ARMH3: variants seen among roughly 807,000 people sequenced by gnomAD.
ARMH3 encodes armadillo like helical domain containing 3.
ARMH3 carries 60 observed loss-of-function variants against 99.1 expected under a neutral mutation model. The ratio of observed to expected loss-of-function variants is 0.61; its 90% CI spans 0.49 to 0.75. The LOEUF is 0.75. Ranked by LOEUF, ARMH3 falls within the 30% of genes least tolerant of loss-of-function variation. The pLI is 0.00. For missense variants in ARMH3, 679 were observed against 843.1 expected (o/e 0.81, Z 2.41); for synonymous variants, 285 against 292.8 (o/e 0.97, Z 0.27).
At chr10:101,916,199 A>T (rs1843080639) in intron 23 of ARMH3, among the ~76,000 whole-genome samples, 1 of 152,198 alleles carries the variant, frequency 6.6e-6, no homozygotes, top group Non-Finnish European at 1.5e-5. Flanking sequence ...GAGAACTCAA[A>T]TAATTAGATT....
At chr10:101,959,553 T>C (rs1259008988) in intron 20 of ARMH3, among the ~76,000 whole-genome samples, 2 of 152,042 alleles carry the variant, frequency 1.3e-5, no homozygotes, top group East Asian at 3.9e-4. Context: ...AGTGGCTATG[T>C]GGTAATTAAA....
intron 24 of ARMH3, among the ~76,000 whole-genome samples, chr10:101,877,772 A>G (rs1217668630): frequency 1.3e-5 from 2 of 152,174 alleles, no homozygotes; most frequent in East Asian, 3.9e-4. Context: ...AAAGCCCAGA[A>G]GTTTATATGA....
chr10:101,889,907 T>C (rs186374964), intron 23 of ARMH3, among the ~76,000 whole-genome samples: 1 of 152,298 alleles, frequency 6.6e-6, no homozygotes, highest in East Asian at 1.9e-4. Context: ...ATAGGCTAAA[T>C]AGAAGCAATC....
At chr10:101,853,970 G>C (rs1002870528) in intron 24 of ARMH3, among the ~76,000 whole-genome samples, 2 of 152,088 alleles carry the variant, frequency 1.3e-5, no homozygotes, top group African/African-American at 4.8e-5. Context: ...AAAATTAGCT[G>C]GGTGCAGTGG....
intron 24 of ARMH3, among the ~76,000 whole-genome samples, chr10:101,871,288 C>A (rs931991734): frequency 6.6e-6 from 1 of 152,084 alleles, no homozygotes; most frequent in Admixed American, 6.6e-5. Context: ...AGAGTTAATG[C>A]AATTCTAATC....
At chr10:102,024,502 G>A (rs550809195) in intron 6 of ARMH3, among the ~76,000 whole-genome samples, 81 of 151,674 alleles carry the variant, frequency 5.3e-4, no homozygotes, top group African/African-American at 1.7e-3. Context: ...AGAATCCTCC[G>A]GGCGCGGTGG....
intron 20 of ARMH3, among the ~76,000 whole-genome samples, chr10:101,961,413 A>C (rs1279595474): frequency 6.6e-6 from 1 of 152,112 alleles, no homozygotes; most frequent in Admixed American, 6.5e-5. Context: ...AGATGATTGG[A>C]TATGGACATT....
chr10:102,035,148 G>A (rs1364017030), intron 2 of ARMH3, among the ~76,000 whole-genome samples: 4 of 151,966 alleles, frequency 2.6e-5, no homozygotes, highest in Non-Finnish European at 5.9e-5. Context: ...AGTCCGAGGC[G>A]CCCGGATCAC....
intron 17 of ARMH3, among the ~76,000 whole-genome samples, chr10:101,992,877 C>G (rs1206688082): frequency 6.6e-6 from 1 of 152,112 alleles, no homozygotes; most frequent in Non-Finnish European, 1.5e-5. Flanking sequence ...CTCAGATGAA[C>G]AAATCTGAGC....
At position 101,990,567 on chromosome 10, in the gene ARMH3, G is replaced by A; in HGVS notation, c.1390C>T (p.Pro464Ser). The change falls in exon 19 of 26, where the codon CCT (proline) becomes TCT (serine). Residue 464 changes from proline (P) to serine (S), a missense_variant. Around this residue, in one of 3 missense-constraint regions of ARMH3, gnomAD observed 389 missense variants for 456.5 expected, o/e 0.85. Coordinates refer to ENST00000370033, the MANE Select transcript of ARMH3 (RefSeq NM_024541.3). ...FIVTHMMKEFPMDLYIRCIQV... is the reference protein window; with the variant it reads ...FIVTHMMKEFSMDLYIRCIQV... ...TGTACTTACATATAGAGATCCATAG[G>A]AAACTCCTTCATCATGTGTGTTACA... 1 of 1,599,388 alleles carries A rather than the reference G, an allele frequency of 6.3e-7. No homozygotes were observed. The highest frequency in any genetic ancestry group is 8.6e-7 in the Non-Finnish European group (1 of 1,166,810).
Position 101,849,786 on chromosome 10 carries a change from AAG to A in ARMH3, c.1965_1966del (p.Phe656GlnfsTer8). On this transcript the variant is annotated frameshift_variant, in exon 25 of 26. Transcript: ENST00000370033. LOFTEE classifies it high-confidence loss of function. ...CGGTGGGGCACTCACCAGCTCTTTGAAGAAGGCAGCTTCCTTGTGCTGCTCTG... is the reference window on the plus strand; with the variant it reads ...CGGTGGGGCACTCACCAGCTCTTTGAAAGGCAGCTTCCTTGTGCTGCTCTG... 1 of 1,613,962 alleles carries A rather than the reference AAG, an allele frequency of 6.2e-7. No individual in the cohort carries two copies. The highest frequency in any genetic ancestry group is 8.5e-7 in the Non-Finnish European group (1 of 1,179,898).
chr10:101,932,384 C>T (rs902767014), intron 23 of ARMH3, among the ~76,000 whole-genome samples: 1 of 152,140 alleles, frequency 6.6e-6, no homozygotes, highest in Non-Finnish European at 1.5e-5. Context: ...CAGAGAATTA[C>T]CATATGATTC....
intron 24 of ARMH3, among the ~76,000 whole-genome samples, chr10:101,867,181 T>C (rs974393510): frequency 1.3e-5 from 2 of 152,202 alleles, no homozygotes; most frequent in Admixed American, 6.5e-5. Context: ...CTGCTAGTCT[T>C]CTTGTTATAT....
chr10:102,005,628 G>C (rs916245318), intron 14 of ARMH3, among the ~76,000 whole-genome samples: 1 of 152,160 alleles, frequency 6.6e-6, no homozygotes, highest in Non-Finnish European at 1.5e-5. Flanking sequence ...TGGATTGTCT[G>C]TACTTCTTTA....
At chr10:101,997,499 G>A (rs1301867676) in intron 15 of ARMH3, among the ~76,000 whole-genome samples, 2 of 151,836 alleles carry the variant, frequency 1.3e-5, no homozygotes, top group South Asian at 2.1e-4. Flanking sequence ...GGCTGAGGCA[G>A]GGGAATCGCT....
At chr10:101,906,595 G>A (rs138448638) in intron 23 of ARMH3, among the ~76,000 whole-genome samples, 5 of 152,314 alleles carry the variant, frequency 3.3e-5, no homozygotes, top group East Asian at 1.9e-4. Context: ...TACTGACTGG[G>A]TAGCAGACAG....
At chr10:101,960,889 CAAA>C (rs36000408) in intron 20 of ARMH3, among the ~76,000 whole-genome samples, 17 of 74,536 alleles carry the variant, frequency 2.3e-4, no homozygotes, top group African/African-American at 6.4e-4. Flanking sequence ...AACTCCGTCT[CAAA>C]AAAAAAAAAA....
intron 22 of ARMH3, among the ~76,000 whole-genome samples, chr10:101,951,776 G>A (rs1050708065): frequency 3.9e-5 from 6 of 151,992 alleles, no homozygotes; most frequent in African/African-American, 1.4e-4. Context: ...GCTAAGGCAG[G>A]AGAATCCCTG....
At chr10:101,940,396 C>T (rs1844184186) in intron 22 of ARMH3, among the ~76,000 whole-genome samples, 1 of 152,076 alleles carries the variant, frequency 6.6e-6, no homozygotes, top group South Asian at 2.1e-4. Flanking sequence ...CATATAAACT[C>T]AGTCAAACAG....
Sources: gnomAD v4.1 joint callset for allele counts (sites outside exome capture counted in the v4.1 genomes callset) on GRCh38, gnomAD v4.1.1 for gene constraint, gnomAD v4.1.1 regional missense constraint, MANE v1.5 for transcripts, NCBI Gene and HGNC (gene_info 2026-07-23, HGNC 2026-07-21) for gene names.